The following VPS35L variants were observed in gnomAD, a reference collection of about 807,000 sequenced individuals.
VPS35L encodes VPS35 endosomal protein sorting factor like.
A neutral mutation model predicts 133.0 loss-of-function variants in VPS35L; 83 were observed. The ratio of observed to expected loss-of-function variants is 0.62; its 90% CI spans 0.52 to 0.75. The LOEUF (loss-of-function observed/expected upper bound fraction) is 0.75, where lower values mean the gene tolerates loss of function less well. Among genes scored for constraint, VPS35L ranks in the 30% least tolerant of loss-of-function variants. VPS35L has a pLI of 0.00. For synonymous variants in VPS35L, 423 were observed against 449.9 expected, an observed-to-expected ratio of 0.94 and a Z score of 0.76; for missense variants, 1,083 against 1,206.8, an observed-to-expected ratio of 0.90 and a Z score of 1.52.
intron 26 of VPS35L, 68 bp downstream of exon 26, chr16:19,652,158 G>GT: frequency 4.6e-6 from 5 of 1,076,738 alleles, no homozygotes; most frequent in Non-Finnish European, 7.0e-6. Context: ...AGGTGTGTGC[G>GT]TATGTGTGTA....
chr16:19,607,726 C>G (rs1972578279), intron 9 of VPS35L: 1 of 155,660 alleles, frequency 6.4e-6, no homozygotes, highest in Non-Finnish European at 1.4e-5. Flanking sequence ...GAATTCTCAA[C>G]AATGTTGTCA....
intron 7 of VPS35L, among the ~76,000 whole-genome samples, chr16:19,582,753 T>G (rs1342382130): frequency 6.6e-6 from 1 of 152,216 alleles, no homozygotes; most frequent in Non-Finnish European, 1.5e-5. Context: ...GGTTTACATC[T>G]GGGGGAGATT....
Position 19,555,712 on chromosome 16 carries a change from G to C in VPS35L, c.-18G>C, listed in dbSNP as rs1047828570. 2 of 1,603,840 alleles carry C rather than the reference G, an allele frequency of 1.2e-6. No individual in the cohort carries two copies. The highest frequency in any genetic ancestry group is 2.7e-5 in the African/African-American group (2 of 74,506). ...CCGAGCAGACGGCCCCAGAACAAGC[G>C]GTCATGTGACTGGGAAGATGGCCGT... On this transcript the variant is annotated 5_prime_UTR_variant, in exon 1 of 31. Coordinates refer to ENST00000417362, the MANE Select transcript of VPS35L (RefSeq NM_020314.7).
rs539389432 is a variant in VPS35L, at chr16:19,626,421, T to C, written c.1271+198T>C. ...AGCCCTGTGACCTTGGGCCGCTTGC[T>C]TGACCTCTCTGTGCCTCTGTCTCTT... On this transcript the variant is annotated intron_variant, in intron 15 of 30. Transcript: ENST00000417362. Among the ~76,000 whole-genome samples, 14 of 152,294 alleles carry C rather than the reference T, an allele frequency of 9.2e-5. No homozygotes were observed. The East Asian group carries it at 2.7e-3, about 29-fold the overall frequency.
intron 6 of VPS35L, among the ~76,000 whole-genome samples, chr16:19,580,585 A>G (rs1187032286): frequency 6.6e-6 from 1 of 152,074 alleles, no homozygotes; most frequent in African/African-American, 2.4e-5. Context: ...TGCGTCAGGG[A>G]CCGTGCCAAG....
intron 24 of VPS35L, among the ~76,000 whole-genome samples, chr16:19,648,678 C>G (rs9940881): frequency 0.47 from 71,735 of 151,744 alleles, 18,839 homozygotes; most frequent in African/African-American, 0.71. Context: ...GACCAGCCTG[C>G]CCAATATGGT....
intron 26 of VPS35L, among the ~76,000 whole-genome samples, chr16:19,661,471 C>T (rs1176448787): frequency 6.6e-6 from 1 of 152,172 alleles, no homozygotes; most frequent in Non-Finnish European, 1.5e-5. Flanking sequence ...GTACACACAA[C>T]AGATGCCAGT....
chr16:19,663,684 T>C (rs1161987205), intron 26 of VPS35L, among the ~76,000 whole-genome samples: 1 of 146,438 alleles, frequency 6.8e-6, no homozygotes, highest in Non-Finnish European at 1.5e-5. Context: ...TTTTTTTTTT[T>C]TTTTTTTTTT....
intron 26 of VPS35L, among the ~76,000 whole-genome samples, chr16:19,659,197 C>T (rs903893778): frequency 6.6e-6 from 1 of 152,150 alleles, no homozygotes; most frequent in Non-Finnish European, 1.5e-5. Flanking sequence ...GCCTACTTTT[C>T]ACAGAGACAA....
intron 17 of VPS35L, among the ~76,000 whole-genome samples, 188 bp from the exon 18 acceptor site, chr16:19,629,579 C>G (rs375044906): frequency 6.6e-6 from 1 of 152,064 alleles, no homozygotes; most frequent in Non-Finnish European, 1.5e-5. Flanking sequence ...TATAACAGTT[C>G]GTAAGATTTA....
chr16:19,592,777 C>T (rs531243338), intron 8 of VPS35L, among the ~76,000 whole-genome samples: 13 of 151,776 alleles, frequency 8.6e-5, no homozygotes, highest in East Asian at 5.8e-4. Flanking sequence ...CCTCTGCCTC[C>T]GGGGTTCAAG....
At chr16:19,693,617 C>CA (rs938535339) in intron 29 of VPS35L, among the ~76,000 whole-genome samples, 8 of 152,088 alleles carry the variant, frequency 5.3e-5, no homozygotes, top group African/African-American at 1.9e-4. Context: ...CCCACCTCTA[C>CA]AAAAAATACA....
intron 5 of VPS35L, chr16:19,578,420 G>A (rs908320359): frequency 2.4e-6 from 1 of 413,972 alleles, no homozygotes; most frequent in African/African-American, 2.1e-5. Context: ...GATGGGGGAA[G>A]GATTCTGAAA....
intron 5 of VPS35L, among the ~76,000 whole-genome samples, chr16:19,577,458 T>C (rs2151514104): frequency 6.6e-6 from 1 of 152,302 alleles, no homozygotes; most frequent in Non-Finnish European, 1.5e-5. Context: ...AGGCCCCACC[T>C]CCAACACTGG....
intron 14 of VPS35L, among the ~76,000 whole-genome samples, chr16:19,623,879 C>T (rs1174059478): frequency 6.7e-6 from 1 of 149,026 alleles, no homozygotes. Flanking sequence ...TCTTGGCTTA[C>T]TGCAGTCTCG....
chr16:19,614,148 A>C (rs548507265), intron 12 of VPS35L, among the ~76,000 whole-genome samples: 2 of 152,290 alleles, frequency 1.3e-5, no homozygotes, highest in Admixed American at 1.3e-4. Flanking sequence ...GTCACCTAAC[A>C]GATAATTATT....
intron 24 of VPS35L, among the ~76,000 whole-genome samples, chr16:19,648,689 G>A (rs990169307): frequency 5.3e-5 from 8 of 151,988 alleles, no homozygotes; most frequent in East Asian, 1.9e-4. Flanking sequence ...CCAATATGGT[G>A]AAATGCTGTC....
chr16:19,607,560 A>G (rs1972572002), intron 9 of VPS35L, among the ~76,000 whole-genome samples: 1 of 152,176 alleles, frequency 6.6e-6, no homozygotes, highest in Non-Finnish European at 1.5e-5. Context: ...GTTTCACAAG[A>G]TGACTCTCTT....
At chr16:19,673,886 G>A (rs747965605) in intron 27 of VPS35L, among the ~76,000 whole-genome samples, 5 of 152,142 alleles carry the variant, frequency 3.3e-5, no homozygotes, top group South Asian at 4.1e-4. Context: ...GATTTGAACC[G>A]AGGGCTACGC....
Sources: allele counts gnomAD v4.1 joint callset (sites outside exome capture counted in the v4.1 genomes callset), GRCh38; gene constraint gnomAD v4.1.1; transcripts MANE v1.5; gene names NCBI Gene and HGNC (gene_info 2026-07-23, HGNC 2026-07-21).